The following TRHDE variants were observed in gnomAD, a reference collection of about 807,000 sequenced individuals.
TRHDE encodes the protein thyrotropin releasing hormone degrading enzyme.
TRHDE carries 72 observed loss-of-function variants against 125.7 expected under a neutral mutation model. The ratio of observed to expected loss-of-function variants is 0.57; its 90% confidence interval spans 0.47 to 0.70. TRHDE has a LOEUF of 0.70. Among genes scored for constraint, TRHDE ranks in the 30% least tolerant of loss-of-function variants. TRHDE has a pLI of 0.00. For synonymous variants in TRHDE, 509 were observed against 509.1 expected, an observed-to-expected ratio of 1.00 and a Z score of 0.00; for missense variants, 1,110 against 1,327.1, an observed-to-expected ratio of 0.84 and a Z score of 2.54.
chr12:72,468,443 T>C (rs974963602), intron 3 of TRHDE, among the ~76,000 whole-genome samples: 1 of 152,254 alleles, frequency 6.6e-6, no homozygotes, highest in South Asian at 2.1e-4. Context: ...AACAATACCA[T>C]AGCGAACATT....
Position 72,313,198 on chromosome 12 carries a change from C to G in TRHDE, c.1188+26244C>G, listed in dbSNP as rs550706500. Among the ~76,000 whole-genome samples, 193 of 151,996 alleles carry G rather than the reference C, an allele frequency of 1.3e-3. 1 individual carries two copies. The Middle Eastern group carries it at 0.017, about 13-fold the overall frequency. On this transcript the variant is annotated intron_variant, in intron 2 of 18. Transcript: ENST00000261180. ...AACTAAAATATTTGGCTAGTTTCAG[C>G]GTATTGATGGATTTTTTAAAAAATT...
rs1286211037 is a variant in TRHDE, at chr12:72,384,098, A to T, written c.1315+5977A>T. On this transcript the variant is annotated intron_variant, in intron 3 of 18. Transcript: ENST00000261180. Reference sequence around the variant, plus strand: ...ATGTGTTTTAATTTAGGTGCACTATAGTTAATTAGGCATCAGATAAAATGA... The same window carrying T: ...ATGTGTTTTAATTTAGGTGCACTATTGTTAATTAGGCATCAGATAAAATGA... Among the ~76,000 whole-genome samples the T allele has an allele frequency of 4.6e-5, 7 of 152,194 alleles. No homozygotes were observed. In the East Asian group the frequency reaches 1.3e-3, roughly 29 times the overall value.
chr12:72,291,441 C>T (rs113098904), intron 2 of TRHDE, among the ~76,000 whole-genome samples: 4 of 152,334 alleles, frequency 2.6e-5, no homozygotes, highest in African/African-American at 9.6e-5. Flanking sequence ...TTGGCCCCAC[C>T]CTTTGGGCTC....
At chr12:72,639,784 G>T (rs1366839272) in intron 15 of TRHDE, among the ~76,000 whole-genome samples, 3 of 152,096 alleles carry the variant, frequency 2.0e-5, no homozygotes, top group Non-Finnish European at 4.4e-5. Context: ...GTCTGCCCCT[G>T]CTAGGGGGTG....
At chr12:72,204,629 T>C (rs1877627751) in intron 2 of TRHDE, among the ~76,000 whole-genome samples, 2 of 152,204 alleles carry the variant, frequency 1.3e-5, no homozygotes, top group South Asian at 4.1e-4. Flanking sequence ...ATTACTTTTC[T>C]TGCAATTTCT....
In TRHDE at chr12:72,266,263, G is replaced by A. The variant is rs1022922420; in HGVS notation, n.280-111732G>A. Among the ~76,000 whole-genome samples the A allele has an allele frequency of 3.3e-5, 5 of 152,030 alleles. No individual in the cohort carries two copies. In the East Asian group the frequency reaches 7.7e-4, roughly 23 times the overall value. ...AATATTTATCTATTGCGCCTTTGAAGCAGATATTTTTCATGGTTTGAGAGG... is the reference window on the plus strand; with the variant it reads ...AATATTTATCTATTGCGCCTTTGAAACAGATATTTTTCATGGTTTGAGAGG... On this transcript the variant is annotated intron_variant and non_coding_transcript_variant, in intron 2 of 4. Coordinates refer to the TRHDE transcript ENST00000548156.
chr12:72,442,979 G>T (rs527524303), intron 3 of TRHDE, among the ~76,000 whole-genome samples: 2 of 151,830 alleles, frequency 1.3e-5, no homozygotes, highest in East Asian at 3.9e-4. Flanking sequence ...ACTTGAAAAA[G>T]GTAAATCTGA....
chr12:72,529,474 T>C (rs1868431865), intron 6 of TRHDE, among the ~76,000 whole-genome samples: 1 of 152,128 alleles, frequency 6.6e-6, no homozygotes, highest in Admixed American at 6.6e-5. Flanking sequence ...ACATAACTCT[T>C]ATTCATATTT....
intron 12 of TRHDE, among the ~76,000 whole-genome samples, chr12:72,614,330 A>T (rs305400): frequency 0.49 from 64,322 of 129,984 alleles, 18,203 homozygotes; most frequent in Non-Finnish European, 0.63. Flanking sequence ...ATATATATAT[A>T]TTTTTTTTTT....
intron 2 of TRHDE, among the ~76,000 whole-genome samples, chr12:72,117,913 G>A (rs201139399): frequency 1.0e-4 from 15 of 150,042 alleles, no homozygotes; most frequent in African/African-American, 3.4e-4. Context: ...ACTTTAGTAC[G>A]TTGATTTTGT....
At chr12:72,571,974 A>AAC (rs59206098) in intron 10 of TRHDE, among the ~76,000 whole-genome samples, 12,164 of 127,340 alleles carry the variant, frequency 0.096, 669 homozygotes, top group East Asian at 0.18. Flanking sequence ...TGACTCTGCA[A>AAC]ACACACACAC....
chr12:72,652,063 AT>A (rs1470600750), intron 15 of TRHDE, among the ~76,000 whole-genome samples: 2 of 151,942 alleles, frequency 1.3e-5, no homozygotes, highest in Admixed American at 6.6e-5. Context: ...TTATGTTACT[AT>A]TTTTGTTTAA....
At chr12:72,454,838 G>A (rs755845998) in intron 3 of TRHDE, among the ~76,000 whole-genome samples, 13 of 152,172 alleles carry the variant, frequency 8.5e-5, no homozygotes, top group East Asian at 1.9e-4. Context: ...GGAGTAACAA[G>A]GCTAGAGTGT....
chr12:72,552,347 C>T (rs1037228432), intron 7 of TRHDE, among the ~76,000 whole-genome samples: 5 of 151,836 alleles, frequency 3.3e-5, no homozygotes, highest in Admixed American at 2.6e-4. Flanking sequence ...TTTTAATGGT[C>T]GAATACAATG....
rs1879083365 is a variant in TRHDE at position 72,519,739 on chromosome 12, G to A, written c.1722+20104G>A. On this transcript the variant is annotated intron_variant, in intron 6 of 18. Coordinates refer to ENST00000261180, the MANE Select transcript of TRHDE (RefSeq NM_013381.3). Reference sequence around the variant, plus strand: ...GGTGCTCTGCTTTTTAGAGTTTCCAGTTTTTCTGTTCTGTTTTTTCCCCAT... The same window carrying A: ...GGTGCTCTGCTTTTTAGAGTTTCCAATTTTTCTGTTCTGTTTTTTCCCCAT... Among the ~76,000 whole-genome samples the A allele has an allele frequency of 2.0e-5, 3 of 152,120 alleles. No homozygotes were observed. In the South Asian group the frequency reaches 6.2e-4, roughly 32 times the overall value.
intron 3 of TRHDE, among the ~76,000 whole-genome samples, chr12:72,390,588 A>C (rs1442046468): frequency 6.6e-6 from 1 of 152,212 alleles, no homozygotes; most frequent in Non-Finnish European, 1.5e-5. Context: ...ATTAAAGCAA[A>C]ATACTATGTA....
At chr12:72,433,498 C>T (rs577147452) in intron 3 of TRHDE, among the ~76,000 whole-genome samples, 10 of 151,856 alleles carry the variant, frequency 6.6e-5, no homozygotes, top group South Asian at 2.1e-4. Flanking sequence ...CTTGCCTCCC[C>T]GAGCATGGAG....
At chr12:72,529,602 T>C (rs1868437796) in intron 6 of TRHDE, among the ~76,000 whole-genome samples, 1 of 152,192 alleles carries the variant, frequency 6.6e-6, no homozygotes, top group Non-Finnish European at 1.5e-5. Context: ...TTGTCTATTA[T>C]ACACTACTGA....
intron 2 of TRHDE, among the ~76,000 whole-genome samples, chr12:72,323,620 A>G (rs772423496): frequency 6.6e-6 from 1 of 152,124 alleles, no homozygotes; most frequent in Non-Finnish European, 1.5e-5. Context: ...ATACAAAAGA[A>G]GCTAATCCGT....
Sources: allele counts gnomAD v4.1 joint callset (sites outside exome capture counted in the v4.1 genomes callset), GRCh38; gene constraint gnomAD v4.1.1; transcripts MANE v1.5; gene names NCBI Gene and HGNC (gene_info 2026-07-23, HGNC 2026-07-21).